Variants in CMSS1 observed in about 807,000 individuals in gnomAD.
CMSS1 encodes cms1 ribosomal small subunit homolog, also known as protein CMSS1.
CMSS1 carries 33 observed loss-of-function variants against 43.5 expected under a neutral mutation model. That is an observed-to-expected ratio of 0.76 (90% CI 0.57 to 1.01). The LOEUF (loss-of-function observed/expected upper bound fraction) is 1.01, where lower values mean the gene tolerates loss of function less well. Among genes scored for constraint, CMSS1 ranks in the 50% least tolerant of loss-of-function variants. The pLI, the probability that CMSS1 is intolerant of heterozygous loss-of-function variation, is 0.00. For synonymous variants in CMSS1, 115 were observed against 117.2 expected, an observed-to-expected ratio of 0.98 and a Z score of 0.12; for missense variants, 313 against 326.4, an observed-to-expected ratio of 0.96 and a Z score of 0.32.
Position 99,851,056 on chromosome 3 carries a change from A to G in CMSS1, c.64+33013A>G, listed in dbSNP as rs374290715. The G allele has an allele frequency of 1.2e-5, 19 of 1,587,626 alleles. No individual in the cohort carries two copies. In the African/African-American group the frequency reaches 2.3e-4, roughly 19 times the overall value. ...CTCCTGAGACTTGATTTCTTGATCAATTAGCTTCTTTAATCTGAAAAATGT... is the reference window on the plus strand; with the variant it reads ...CTCCTGAGACTTGATTTCTTGATCAGTTAGCTTCTTTAATCTGAAAAATGT... On this transcript the variant is annotated intron_variant, in intron 1 of 9. Coordinates refer to ENST00000421999, the MANE Select transcript of CMSS1 (RefSeq NM_032359.4).
chr3:99,886,375 A>G (rs933743889), intron 1 of CMSS1, among the ~76,000 whole-genome samples: 2 of 152,142 alleles, frequency 1.3e-5, no homozygotes, highest in Admixed American at 6.5e-5. Flanking sequence ...CTCTTGTACC[A>G]TACATAAAAT....
intron 1 of CMSS1, among the ~76,000 whole-genome samples, chr3:100,086,114 T>G (rs1442166943): frequency 6.6e-6 from 1 of 152,240 alleles, no homozygotes; most frequent in African/African-American, 2.4e-5. Flanking sequence ...GAAATAAACA[T>G]GTATCTTTCT....
chr3:99,868,819 A>G (rs1463779771), intron 1 of CMSS1, among the ~76,000 whole-genome samples: 2 of 152,182 alleles, frequency 1.3e-5, no homozygotes, highest in East Asian at 3.9e-4. Flanking sequence ...TAACTTGTCT[A>G]ACCCTGGCTG....
chr3:99,932,598 A>G (rs1481870821), intron 1 of CMSS1, among the ~76,000 whole-genome samples: 2 of 152,216 alleles, frequency 1.3e-5, no homozygotes, highest in Non-Finnish European at 2.9e-5. Context: ...TGATTAAGAC[A>G]TTGACCCATT....
chr3:100,100,538 C>T (rs907769416), intron 1 of CMSS1, among the ~76,000 whole-genome samples: 2 of 152,176 alleles, frequency 1.3e-5, no homozygotes, highest in African/African-American at 4.8e-5. Context: ...CAAAGCTGTG[C>T]TTTTGCATGG....
chr3:100,149,129 T>C (rs1559771893), intron 2 of CMSS1, among the ~76,000 whole-genome samples: 1 of 152,226 alleles, frequency 6.6e-6, no homozygotes, highest in Non-Finnish European at 1.5e-5. Context: ...TTGATTTTCT[T>C]CTTGTTTGTT....
At chr3:99,927,826 C>G (rs1319652987) in intron 1 of CMSS1, among the ~76,000 whole-genome samples, 2 of 151,980 alleles carry the variant, frequency 1.3e-5, no homozygotes, top group Non-Finnish European at 2.9e-5. Context: ...CCCTCTTGAC[C>G]ACACCTCTGC....
intron 1 of CMSS1, among the ~76,000 whole-genome samples, chr3:99,827,045 T>C (rs1942548702): frequency 6.6e-6 from 1 of 152,218 alleles, no homozygotes. Context: ...TCAGTTGTGT[T>C]ACATATAGGT....
chr3:100,088,647 TGCA>T (rs2066052987), intron 1 of CMSS1, among the ~76,000 whole-genome samples: 1 of 152,166 alleles, frequency 6.6e-6, no homozygotes, highest in Non-Finnish European at 1.5e-5. Context: ...TCTCCTTCTC[TGCA>T]GTTTTCTCTC....
Position 100,010,763 on chromosome 3 carries a change from C to T in CMSS1, c.65-136210C>T, listed in dbSNP as rs1005932503. Among the ~76,000 whole-genome samples, 8 of 147,450 alleles carry T rather than the reference C, an allele frequency of 5.4e-5. No individual in the cohort carries two copies. In the East Asian group the frequency reaches 1.0e-3, roughly 19 times the overall value. ...CTGAGTAGCTGGGATTACAGGTGCGCGCCTCCACGCCCGGATTTTTTTTTT... is the reference window on the plus strand; with the variant it reads ...CTGAGTAGCTGGGATTACAGGTGCGTGCCTCCACGCCCGGATTTTTTTTTT... On this transcript the variant is annotated intron_variant, in intron 1 of 9. Transcript: ENST00000421999.
Position 99,912,445 on chromosome 3 carries a change from C to T in CMSS1, c.64+94402C>T, listed in dbSNP as rs1049011646. Among the ~76,000 whole-genome samples the T allele has an allele frequency of 2.0e-5, 3 of 152,254 alleles. No individual in the cohort carries two copies. The South Asian group carries it at 6.2e-4, about 32-fold the overall frequency. ...AGGCTGGAGTATAATGGCGTGATCT[C>T]GGCTTACTGCAGCCTTGACCTCCCT... On this transcript the variant is annotated intron_variant, in intron 1 of 9. Transcript: ENST00000421999.
At chr3:99,983,389 A>AATATATAT (rs397990626) in intron 1 of CMSS1, among the ~76,000 whole-genome samples, 5 of 40,786 alleles carry the variant, frequency 1.2e-4, no homozygotes, top group African/African-American at 5.1e-4. Context: ...TAAATAAATA[A>AATATATAT]ATATATATAT....
chr3:100,047,933 T>C (rs2065303749), intron 1 of CMSS1, among the ~76,000 whole-genome samples: 1 of 152,182 alleles, frequency 6.6e-6, no homozygotes, highest in South Asian at 2.1e-4. Flanking sequence ...TTTTCTATGG[T>C]GAGTTGAGCA....
intron 1 of CMSS1, among the ~76,000 whole-genome samples, chr3:100,100,129 G>A (rs1220851330): frequency 6.6e-6 from 1 of 152,128 alleles, no homozygotes; most frequent in African/African-American, 2.4e-5. Flanking sequence ...GAAAGGAATG[G>A]CCTGGAAGTG....
At chr3:99,855,533 C>T (rs1020708474) in intron 1 of CMSS1, among the ~76,000 whole-genome samples, 1 of 152,114 alleles carries the variant, frequency 6.6e-6, no homozygotes, top group African/African-American at 2.4e-5. Flanking sequence ...AATTGAGGCT[C>T]ACAAAGGTCA....
At chr3:100,173,539 A>G (rs925453952) in intron 8 of CMSS1, among the ~76,000 whole-genome samples, 3 of 152,200 alleles carry the variant, frequency 2.0e-5, no homozygotes, top group East Asian at 1.9e-4. Flanking sequence ...GATCGATAGC[A>G]TGAGGCAGTA....
chr3:100,120,453 G>A (rs1360152799), intron 1 of CMSS1, among the ~76,000 whole-genome samples: 1 of 152,144 alleles, frequency 6.6e-6, no homozygotes, highest in Non-Finnish European at 1.5e-5. Context: ...GAAAATACAC[G>A]AGTTAGAAGT....
chr3:99,868,817 C>G (rs1370345131), intron 1 of CMSS1, among the ~76,000 whole-genome samples: 3 of 152,190 alleles, frequency 2.0e-5, no homozygotes, highest in Admixed American at 2.0e-4. Context: ...CTTAACTTGT[C>G]TAACCCTGGC....
chr3:99,991,729 G>A (rs1021730456), intron 1 of CMSS1, among the ~76,000 whole-genome samples: 17 of 151,816 alleles, frequency 1.1e-4, no homozygotes, highest in Non-Finnish European at 1.9e-4. Context: ...CGTTATTTCA[G>A]TGAGGATAAT....
Sources: gnomAD v4.1 joint callset for allele counts (sites outside exome capture counted in the v4.1 genomes callset) on GRCh38, gnomAD v4.1.1 for gene constraint, MANE v1.5 for transcripts, NCBI Gene and HGNC (gene_info 2026-07-23, HGNC 2026-07-21) for gene names.